The following GABRB2 variants were observed in gnomAD, a reference collection of about 807,000 sequenced individuals.
GABRB2 encodes gamma-aminobutyric acid receptor subunit beta-2.
In GABRB2, 16 loss-of-function variants were observed where a neutral mutation model predicts 54.7. The observed-to-expected ratio is 0.29, with a 90% CI of 0.20 to 0.44. The LOEUF is 0.44. Among genes scored for constraint, GABRB2 ranks in the 20% least tolerant of loss-of-function variants. The probability of loss-of-function intolerance (pLI) is 1.00; values close to 1 mark genes in which losing one functional copy is unlikely to be tolerated. For missense variants in GABRB2, 355 were observed against 644.0 expected, an observed-to-expected ratio of 0.55 and a Z score of 4.86; for synonymous variants, 244 against 233.8, an observed-to-expected ratio of 1.04 and a Z score of -0.40.
chr5:161,327,499 T>C (rs912293948), intron 8 of GABRB2, among the ~76,000 whole-genome samples: 5 of 152,196 alleles, frequency 3.3e-5, no homozygotes, highest in Non-Finnish European at 5.9e-5. Flanking sequence ...CTATTTCACC[T>C]TCTTTAGGCA....
chr5:161,308,151 A>T (rs1207360010), intron 9 of GABRB2, among the ~76,000 whole-genome samples: 1 of 152,106 alleles, frequency 6.6e-6, no homozygotes, highest in Non-Finnish European at 1.5e-5. Context: ...GTGAGCCACC[A>T]TGCCCAGCTG....
chr5:161,525,192 A>T (rs982166475), intron 3 of GABRB2, among the ~76,000 whole-genome samples: 5 of 151,250 alleles, frequency 3.3e-5, no homozygotes, highest in Non-Finnish European at 7.4e-5. Flanking sequence ...AAATTTATTC[A>T]TCAAAACAGT....
chr5:161,514,014 TC>T (rs938893500), intron 3 of GABRB2, among the ~76,000 whole-genome samples: 1 of 152,118 alleles, frequency 6.6e-6, no homozygotes, highest in Non-Finnish European at 1.5e-5. Context: ...TGGCCACATT[TC>T]ATTTGAAGCA....
chr5:161,335,420 C>T (rs979584628), intron 6 of GABRB2, among the ~76,000 whole-genome samples: 7 of 152,006 alleles, frequency 4.6e-5, no homozygotes, highest in Non-Finnish European at 8.8e-5. Flanking sequence ...TCATTGCTTC[C>T]ATTGGAGTTC....
At chr5:161,385,827 G>A (rs896683081) in intron 5 of GABRB2, among the ~76,000 whole-genome samples, 1 of 152,018 alleles carries the variant, frequency 6.6e-6, no homozygotes, top group African/African-American at 2.4e-5. Context: ...TAAGTCTAAA[G>A]AGACTGTGTG....
At chr5:161,469,742 C>G (rs1005504873) in intron 3 of GABRB2, among the ~76,000 whole-genome samples, 1 of 141,586 alleles carries the variant, frequency 7.1e-6, no homozygotes, top group Non-Finnish European at 1.6e-5. Flanking sequence ...TACAGCTGTT[C>G]ACTTAAGTCT....
At chr5:161,320,082 T>A (rs1758163866) in intron 9 of GABRB2, among the ~76,000 whole-genome samples, 1 of 151,852 alleles carries the variant, frequency 6.6e-6, no homozygotes, top group African/African-American at 2.4e-5. Context: ...TTATCGATTA[T>A]GTCTTTATTT....
At chr5:161,301,813 A>G (rs571043865) in intron 9 of GABRB2, among the ~76,000 whole-genome samples, 34 of 152,310 alleles carry the variant, frequency 2.2e-4, no homozygotes, top group African/African-American at 7.9e-4. Context: ...TCTATTAAGC[A>G]TGCCAATGCC....
At chr5:161,438,631 A>C (rs535422011) in intron 4 of GABRB2, among the ~76,000 whole-genome samples, 1 of 152,260 alleles carries the variant, frequency 6.6e-6, no homozygotes, top group South Asian at 2.1e-4. Context: ...TGTGTTGAGG[A>C]AACTCAAAGA....
chr5:161,438,005 G>T (rs1757359152), intron 4 of GABRB2, among the ~76,000 whole-genome samples: 1 of 152,208 alleles, frequency 6.6e-6, no homozygotes, highest in African/African-American at 2.4e-5. Context: ...AGGCCCAGCT[G>T]GCTTTGCCAC....
intron 5 of GABRB2, among the ~76,000 whole-genome samples, chr5:161,373,275 C>T (rs1755184545): frequency 6.6e-6 from 1 of 152,066 alleles, no homozygotes; most frequent in Admixed American, 6.6e-5. Flanking sequence ...TCTTACTGTC[C>T]CCACACATTC....
At position 161,319,310 on chromosome 5, in the gene GABRB2, A is replaced by G. The variant is rs1273751029; in HGVS notation, c.1191+7058T>C. On this transcript the variant is annotated intron_variant, in intron 9 of 9. Coordinates refer to ENST00000393959, the MANE Select transcript of GABRB2 (RefSeq NM_001371727.1). ...TCTTCACTTTCTAATTTCCTAAGAG[A>G]TTTTAAATTTATAACCAAGAATGAA... 2.0e-5 allele frequency among the ~76,000 whole-genome samples: 3 copies of G among 150,170 alleles called. No homozygotes were observed. In the East Asian group the frequency reaches 5.8e-4, roughly 29 times the overall value.
intron 4 of GABRB2, among the ~76,000 whole-genome samples, chr5:161,432,467 A>G (rs976445798): frequency 1.3e-5 from 2 of 152,194 alleles, no homozygotes; most frequent in East Asian, 3.8e-4. Context: ...GGACAATCAA[A>G]TTAGGTAAAT....
At chr5:161,316,747 G>A (rs918953878) in intron 9 of GABRB2, among the ~76,000 whole-genome samples, 1 of 152,038 alleles carries the variant, frequency 6.6e-6, no homozygotes, top group African/African-American at 2.4e-5. Context: ...GAGTAGCTGG[G>A]ATTACAGGTG....
rs1280909973 is a variant in GABRB2, at chr5:161,289,754, A to G, written c.*4327T>C. 1 of 151,634 alleles carries G rather than the reference A, an allele frequency of 6.6e-6. No individual in the cohort carries two copies. The highest frequency in any genetic ancestry group is 1.5e-5 in the Non-Finnish European group (1 of 67,938). 9.4% of individuals were successfully genotyped at this position (151,634 alleles called of 1,614,324 possible). On this transcript the variant is annotated 3_prime_UTR_variant, in exon 10 of 10. Transcript: ENST00000393959. ...GAGTGTTTCCCATAGACGGGCAGAG[A>G]GACAGAGTGGGTGAGCAAAAGATTA...
At chr5:161,417,818 G>C (rs1756724630) in intron 4 of GABRB2, among the ~76,000 whole-genome samples, 1 of 152,024 alleles carries the variant, frequency 6.6e-6, no homozygotes, top group Non-Finnish European at 1.5e-5. Flanking sequence ...CTATCCTCTT[G>C]ATTTACCTCC....
chr5:161,415,995 G>A (rs1051594154), intron 4 of GABRB2, among the ~76,000 whole-genome samples: 3 of 151,998 alleles, frequency 2.0e-5, no homozygotes, highest in African/African-American at 4.8e-5. Flanking sequence ...CTGGAGGGCA[G>A]TGGAATGATC....
At chr5:161,390,715 T>A (rs1755794154) in intron 5 of GABRB2, among the ~76,000 whole-genome samples, 1 of 152,026 alleles carries the variant, frequency 6.6e-6, no homozygotes, top group Non-Finnish European at 1.5e-5. Context: ...AAAAAATAGG[T>A]GAAATCTGAG....
chr5:161,401,669 A>T (rs1481405406), intron 5 of GABRB2, among the ~76,000 whole-genome samples: 1 of 152,222 alleles, frequency 6.6e-6, no homozygotes, highest in African/African-American at 2.4e-5. Flanking sequence ...TTTAAGTCGC[A>T]TCAAATGTCA....
Sources: gnomAD v4.1 joint callset for allele counts (sites outside exome capture counted in the v4.1 genomes callset) on GRCh38, gnomAD v4.1.1 for gene constraint, MANE v1.5 for transcripts, NCBI Gene and HGNC (gene_info 2026-07-23, HGNC 2026-07-21) for gene names.